The following SSC5D variants were observed in gnomAD, a reference collection of about 807,000 sequenced individuals.
SSC5D encodes the protein soluble scavenger receptor cysteine-rich domain-containing protein SSC5D.
SSC5D carries 106 observed loss-of-function variants against 104.6 expected under a neutral mutation model. That is an observed-to-expected ratio of 1.01 (90% confidence interval 0.87 to 1.19). The LOEUF is 1.19. Among genes scored for constraint, SSC5D ranks in the 50% most tolerant of loss-of-function variants. The pLI is 0.00. For missense variants in SSC5D, 1,993 were observed against 2,153.8 expected (o/e 0.93, Z 1.48); for synonymous variants, 860 against 883.5 (o/e 0.97, Z 0.47).
At chr19:55,507,665 C>CAAAAAA (rs61340967) in intron 12 of SSC5D, among the ~76,000 whole-genome samples, 5 of 75,954 alleles carry the variant, frequency 6.6e-5, no homozygotes, top group Middle Eastern at 0.011. Flanking sequence ...GACTCCGTCT[C>CAAAAAA]AAAAAAAAAA....
chr19:55,494,751 C>G lies in SSC5D; in HGVS notation c.1355C>G (p.Pro452Arg). 1 of 1,548,924 alleles carries G rather than the reference C, an allele frequency of 6.5e-7. No homozygotes were observed. The highest frequency in any genetic ancestry group is 8.7e-7 in the Non-Finnish European group (1 of 1,145,896). Residue 452 changes from proline to arginine, a missense_variant, in exon 8 of 14, where the codon CCT becomes CGT. Coordinates refer to ENST00000389623, the MANE Select transcript of SSC5D (RefSeq NM_001144950.2). ...TAGVSPPPASPTVLWEPGPEA... is the reference protein window; with the variant it reads ...TAGVSPPPASRTVLWEPGPEA... ...GGCGTTTCACCTCCTCCAGCCTCCCCTACTGTCCTTTGGGAGCCTGGACCG... is the reference window on the plus strand; with the variant it reads ...GGCGTTTCACCTCCTCCAGCCTCCCGTACTGTCCTTTGGGAGCCTGGACCG...
rs1375139752 is a variant in SSC5D, at chr19:55,503,799, C to A, written c.2785+2598C>A. ...TCCCGCTCCCGCAGGAGAGTCTCGC[C>A]GCAAGCGTCCTTTCCCGCCTTTTTT... On this transcript the variant is annotated intron_variant, in intron 12 of 13. Transcript: ENST00000389623. This position sits in a 1 kb window ranked among gnomAD's most constrained non-coding sequence, Gnocchi z 4.0. Among the ~76,000 whole-genome samples the A allele has an allele frequency of 1.4e-5, 2 of 148,122 alleles. No homozygotes were observed. The highest frequency in any genetic ancestry group is 3.0e-5 in the Non-Finnish European group (2 of 67,244).
At chr19:55,504,098 C>G (rs553365990) in intron 12 of SSC5D, 1 of 1,534,850 alleles carries the variant, frequency 6.5e-7, no homozygotes, top group East Asian at 2.4e-5. Flanking sequence ...TGAGTTAGAG[C>G]TATCATTCCG....
chr19:55,499,053 A>C (rs531077026), intron 9 of SSC5D, among the ~76,000 whole-genome samples: 3 of 152,314 alleles, frequency 2.0e-5, no homozygotes, highest in Admixed American at 6.5e-5. Context: ...AAGTTCCCCC[A>C]AGCCTTGGCA....
Position 55,490,376 on chromosome 19 carries a change from C to T in SSC5D, c.554C>T (p.Ala185Val), listed in dbSNP as rs1430206455. The change falls in exon 5 of 14, where the codon GCC becomes GTC. Residue 185 changes from alanine (A) to valine (V), a missense_variant. Physicochemically the swap from Ala to Val is moderately conservative, Grantham distance 64. Transcript: ENST00000389623. Reference sequence around the variant, plus strand: ...CCCAAGCAGGCCAAGTCCACCCGGGCCCCTCTGCTGACGACAGGAGCCCCC... The same window carrying T: ...CCCAAGCAGGCCAAGTCCACCCGGGTCCCTCTGCTGACGACAGGAGCCCCC... ...PRPKQAKSTR[A>V]PLLTTGAPRQ... is the part of the protein sequence containing the mutation. The T allele has an allele frequency of 2.6e-6, 4 of 1,516,206 alleles. No homozygotes were observed. The African/African-American group carries it at 4.2e-5, about 16-fold the overall frequency. 93.9% of individuals were successfully genotyped at this position (1,516,206 alleles called of 1,614,324 possible). A position where few individuals can be genotyped will look rare whatever the true frequency, so the allele number is the denominator to read the frequency against.
intron 13 of SSC5D, 84 bp downstream of exon 13, chr19:55,513,256 C>T: frequency 1.5e-6 from 2 of 1,330,880 alleles, no homozygotes; most frequent in Non-Finnish European, 2.0e-6. Context: ...CCACTGGAAC[C>T]CTTACCCCAG....
chr19:55,498,050 G>A lies in SSC5D; in HGVS notation c.1558G>A (p.Ala520Thr). Residue 520 changes from alanine (A) to threonine (T), a missense_variant, in exon 9 of 14, where the codon GCT becomes ACT. Physicochemically the swap from Ala to Thr is moderately conservative, Grantham distance 58. This residue lies in a region of SSC5D where 1,101 missense variants were observed against 1,085.0 expected (regional missense o/e 1.01). Transcript: ENST00000389623. ...CGGPQQPDPA[A>T]GRFGWGAGPI... ...TGGACCTCAGCAGCCAGACCCTGCT[G>A]CTGGCCGCTTTGGCTGGGGTGCGGG... 6.4e-7 allele frequency: 1 copy of A among 1,551,768 alleles called. No individual in the cohort carries two copies. The highest frequency in any genetic ancestry group is 1.2e-5 in the South Asian group (1 of 84,058).
chr19:55,513,150 T>A lies in SSC5D; in HGVS notation c.2925T>A (p.Thr975=). 19 of 1,523,788 alleles carry A rather than the reference T, an allele frequency of 1.2e-5. No homozygotes were observed. Among genetic ancestry groups the A allele is most frequent in the Non-Finnish European group, 1.6e-5 (18 of 1,132,532 alleles). 94.4% of individuals were successfully genotyped at this position (1,523,788 alleles called of 1,614,324 possible). The change falls in exon 13 of 14, where the codon ACT becomes ACA. Residue 975 remains threonine, a synonymous_variant. Transcript: ENST00000389623. ...CCAGGAGCCCAGGCAGTCCTCCAACTCTGAGAGTCCATGGAGACACAGGTG... is the reference window on the plus strand; with the variant it reads ...CCAGGAGCCCAGGCAGTCCTCCAACACTGAGAGTCCATGGAGACACAGGTG... ...GTTRSPGSPP[T]LRVHGDTGSP... is the part of the protein sequence containing the mutation.
chr19:55,497,134 C>T (rs1470083253), intron 8 of SSC5D, among the ~76,000 whole-genome samples: 2 of 152,180 alleles, frequency 1.3e-5, no homozygotes, highest in African/African-American at 4.8e-5. Context: ...TTTTTCTCAC[C>T]TTCTCCTCGT....
At chr19:55,491,305 T>G (rs896727567) in intron 6 of SSC5D, 9 of 581,038 alleles carry the variant, frequency 1.5e-5, no homozygotes, top group Non-Finnish European at 2.7e-5. Context: ...GGGCTAGTGC[T>G]CAGCCCTGTC....
intron 12 of SSC5D, among the ~76,000 whole-genome samples, chr19:55,505,666 C>T (rs1987622793): frequency 2.6e-5 from 4 of 151,764 alleles, no homozygotes; most frequent in Admixed American, 2.6e-4. Context: ...AAGCCAGCAA[C>T]ATTGCATCTC....
intron 12 of SSC5D, among the ~76,000 whole-genome samples, chr19:55,508,869 T>C (rs1248580859): frequency 2.4e-5 from 1 of 41,154 alleles, no homozygotes; most frequent in Non-Finnish European, 4.9e-5. Flanking sequence ...ACAGCAGGGA[T>C]GGCCTCATCC....
At chr19:55,501,705 C>G (rs537704304) in intron 12 of SSC5D, among the ~76,000 whole-genome samples, 3 of 152,294 alleles carry the variant, frequency 2.0e-5, no homozygotes, top group Admixed American at 6.5e-5. Flanking sequence ...GCTCCATCCC[C>G]CTCTGCTCTA....
At chr19:55,516,879 C>A (rs1324385125) in intron 13 of SSC5D, among the ~76,000 whole-genome samples, 2 of 152,112 alleles carry the variant, frequency 1.3e-5, no homozygotes, top group East Asian at 3.9e-4. Flanking sequence ...CCGTATGCTG[C>A]ACGCTTCTGA....
chr19:55,488,977 A>G, intron 1 of SSC5D, 29 bp from the exon 2 acceptor site: 1 of 1,170,316 alleles, frequency 8.5e-7, no homozygotes, highest in Non-Finnish European at 1.1e-6. Flanking sequence ...TGCCCCTCAC[A>G]CTGCCCCACC....
chr19:55,500,312 T>A lies in SSC5D; in HGVS notation c.2202T>A (p.Pro734=), dbSNP rs1408905878. ...CTGAGTCCACTATCAAGAGTATCCC[T>A]CAGGCCTCCCTGGAGCCATCTGCTG... ...MTSESTIKSI[P]QASLEPSAEI... is the part of the protein sequence containing the mutation. The change falls in exon 10 of 14, where the codon CCT becomes CCA. Residue 734 remains proline (P), a synonymous_variant. Coordinates refer to ENST00000389623, the MANE Select transcript of SSC5D (RefSeq NM_001144950.2). The surrounding 1 kb of genome is among the most constrained non-coding windows in gnomAD (Gnocchi z 4.6). 6.4e-7 allele frequency: 1 copy of A among 1,550,874 alleles called. No individual in the cohort carries two copies. The highest frequency in any genetic ancestry group is 2.4e-5 in the East Asian group (1 of 40,858).
At chr19:55,493,478 A>C (rs1987209917) in intron 6 of SSC5D, 117 bp from the exon 7 acceptor site, 1 of 922,198 alleles carries the variant, frequency 1.1e-6, no homozygotes, top group Admixed American at 3.7e-5. Flanking sequence ...TTGGATAGTG[A>C]AGATGGAATA....
rs1308362398 is a variant in SSC5D at position 55,489,903 on chromosome 19, G to A, written c.383G>A (p.Arg128Lys). Residue 128 changes from arginine to lysine, a missense_variant, in exon 4 of 14, where the codon AGG (arginine) becomes AAG (lysine). This residue lies in a region of SSC5D where 1,101 missense variants were observed against 1,085.0 expected (regional missense o/e 1.01). Transcript: ENST00000389623. ...GCAGGTCAGCGTGTGGCTAACTCCA[G>A]GGACGACTCAACATCTCCCCTGGAT... is the stretch of plus-strand genomic sequence containing the variant. ...VCAGQRVANS[R>K]DDSTSPLDGA... The A allele has an allele frequency of 2.6e-6, 4 of 1,548,750 alleles. No individual in the cohort carries two copies. Among genetic ancestry groups the A allele is most frequent in the Non-Finnish European group, 3.5e-6 (4 of 1,146,222 alleles).
chr19:55,493,841 G>C lies in SSC5D; in HGVS notation c.1142G>C (p.Arg381Pro). 6.5e-7 allele frequency: 1 copy of C among 1,549,502 alleles called. No individual in the cohort carries two copies. The highest frequency in any genetic ancestry group is 1.2e-5 in the South Asian group (1 of 84,054). The change falls in exon 7 of 14, where the codon CGA becomes CCA. Residue 381 changes from arginine (R) to proline (P), a missense_variant. By Grantham distance (103) the Arg-to-Pro change is moderately radical. Transcript: ENST00000389623. Reference sequence around the variant, plus strand: ...TGTCGGGGAAACGAGACGGCCTTACGATTCTGCCCAGCTCGGCCCTGGGGC... The same window carrying C: ...TGTCGGGGAAACGAGACGGCCTTACCATTCTGCCCAGCTCGGCCCTGGGGC... Reference protein sequence around the residue: ...LRCRGNETALRFCPARPWGQH... With the variant: ...LRCRGNETALPFCPARPWGQH...
Sources: gnomAD v4.1 joint callset for allele counts (sites outside exome capture counted in the v4.1 genomes callset) on GRCh38, gnomAD v4.1.1 for gene constraint, gnomAD v4.1.1 regional missense constraint, Gnocchi (gnomAD v3.1) non-coding constraint, MANE v1.5 for transcripts, NCBI Gene and HGNC (gene_info 2026-07-23, HGNC 2026-07-21) for gene names.